The following PVT1 variants were observed in gnomAD, a reference collection of about 807,000 sequenced individuals.
PVT1 encodes CXCR4/PVT1 fusion.
intron 4 of PVT1, among the ~76,000 whole-genome samples, chr8:128,033,778 C>T (rs1421471468): frequency 6.6e-6 from 1 of 152,200 alleles, no homozygotes; most frequent in Admixed American, 6.5e-5. Context: ...TTCCCCTCCT[C>T]CTTTGTTCCC....
At chr8:127,974,507 C>T (rs1285226538) in intron 3 of PVT1, among the ~76,000 whole-genome samples, 2 of 152,144 alleles carry the variant, frequency 1.3e-5, no homozygotes, top group East Asian at 1.9e-4. Context: ...CTCTTTCTCT[C>T]GGGTTCAAGC....
At chr8:127,941,478 G>T (rs1470076375) in intron 3 of PVT1, among the ~76,000 whole-genome samples, 1 of 152,160 alleles carries the variant, frequency 6.6e-6, no homozygotes, top group Admixed American at 6.5e-5. Flanking sequence ...ATGGAGACAC[G>T]TAAAGCGCTT....
At chr8:127,796,566 A>G (rs745729976) in intron 2 of PVT1, among the ~76,000 whole-genome samples, 2 of 152,126 alleles carry the variant, frequency 1.3e-5, no homozygotes, top group Non-Finnish European at 2.9e-5. Context: ...CTGCCTGCCC[A>G]AGATGGACAC....
intron 2 of PVT1, among the ~76,000 whole-genome samples, chr8:127,799,082 T>G (rs1380558539): frequency 6.6e-6 from 1 of 152,092 alleles, no homozygotes; most frequent in Non-Finnish European, 1.5e-5. Context: ...CCGAACTATC[T>G]GTTTTTTTTT....
intron 3 of PVT1, among the ~76,000 whole-genome samples, chr8:127,966,846 T>G (rs1449038649): frequency 6.6e-6 from 1 of 152,006 alleles, no homozygotes; most frequent in African/African-American, 2.4e-5. Flanking sequence ...CTTTTAGGGG[T>G]ATGGTGGGGA....
intron 3 of PVT1, among the ~76,000 whole-genome samples, chr8:127,986,260 C>A (rs1816969109): frequency 6.6e-6 from 1 of 152,198 alleles, no homozygotes; most frequent in African/African-American, 2.4e-5. Flanking sequence ...CAGAGCACAC[C>A]TCTGCCCCGA....
At chr8:127,906,848 G>A (rs1815828563) in intron 3 of PVT1, among the ~76,000 whole-genome samples, 2 of 152,074 alleles carry the variant, frequency 1.3e-5, no homozygotes, top group African/African-American at 4.8e-5. Context: ...AGATGTAAAT[G>A]TCATATCACC....
intron 2 of PVT1, among the ~76,000 whole-genome samples, chr8:127,879,255 G>A (rs534099796): frequency 2.0e-5 from 3 of 152,362 alleles, no homozygotes; most frequent in African/African-American, 7.2e-5. Context: ...AGGGCTGGGC[G>A]TGGTGGCTCC....
chr8:128,061,870 G>A (rs1286477668), intron 4 of PVT1, among the ~76,000 whole-genome samples: 1 of 152,220 alleles, frequency 6.6e-6, no homozygotes, highest in Non-Finnish European at 1.5e-5. Flanking sequence ...GCATTGCACG[G>A]CATGTGACTT....
At chr8:127,914,892 C>T (rs551184562) in intron 3 of PVT1, among the ~76,000 whole-genome samples, 13 of 146,358 alleles carry the variant, frequency 8.9e-5, no homozygotes, top group South Asian at 2.2e-4. Context: ...GTGGTGCAAT[C>T]TCAGCTCACT....
chr8:127,887,632 T>C (rs1275477301), intron 2 of PVT1, among the ~76,000 whole-genome samples: 1 of 152,164 alleles, frequency 6.6e-6, no homozygotes, highest in Non-Finnish European at 1.5e-5. Context: ...TTCAAGTGAT[T>C]CTCGTTCCTC....
chr8:127,983,130 C>T (rs1243780844), intron 3 of PVT1, among the ~76,000 whole-genome samples: 1 of 152,144 alleles, frequency 6.6e-6, no homozygotes, highest in East Asian at 1.9e-4. Flanking sequence ...CTCCCTCTGG[C>T]CTCCTGTTGA....
intron 2 of PVT1, among the ~76,000 whole-genome samples, chr8:127,818,592 C>CA (rs1814693378): frequency 6.6e-6 from 1 of 152,144 alleles, no homozygotes; most frequent in Admixed American, 6.5e-5. Flanking sequence ...CCAGAAGCCA[C>CA]AAAAAATTGC....
At chr8:128,029,256 G>T (rs1325561485) in intron 4 of PVT1, among the ~76,000 whole-genome samples, 2 of 151,310 alleles carry the variant, frequency 1.3e-5, no homozygotes, top group East Asian at 3.9e-4. Flanking sequence ...CCAAGTAGCT[G>T]GGACCACAGG....
At chr8:127,822,157 C>T (rs4733789) in intron 2 of PVT1, among the ~76,000 whole-genome samples, 84,938 of 152,064 alleles carry the variant, frequency 0.56, 24,168 homozygotes, top group Admixed American at 0.68. Context: ...GTGTCTGGCC[C>T]GTTTTAAGAG....
chr8:128,099,490 T>G (rs1041030705), intron 6 of PVT1: 1 of 152,308 alleles, frequency 6.6e-6, no homozygotes, highest in African/African-American at 2.4e-5. Context: ...ACGCCTTCCC[T>G]CCTTCTGGAA....
chr8:128,005,260 G>C (rs1446629745), intron 4 of PVT1, among the ~76,000 whole-genome samples: 1 of 152,054 alleles, frequency 6.6e-6, no homozygotes, highest in East Asian at 1.9e-4. Context: ...TTTGTTATTT[G>C]TTTTTGAAGC....
At chr8:127,870,403 C>A (rs999522052) in intron 2 of PVT1, among the ~76,000 whole-genome samples, 1 of 152,208 alleles carries the variant, frequency 6.6e-6, no homozygotes, top group Non-Finnish European at 1.5e-5. Context: ...TCTTGGACAT[C>A]TAGTCCCCAG....
At chr8:128,100,172 T>TCCCC (rs1563686978) in intron 6 of PVT1, among the ~76,000 whole-genome samples, 1 of 115,946 alleles carries the variant, frequency 8.6e-6, no homozygotes, top group African/African-American at 3.2e-5. Flanking sequence ...CTTTCCTCCC[T>TCCCC]CCCTTCCTTC....
Sources: allele counts gnomAD v4.1 joint callset (sites outside exome capture counted in the v4.1 genomes callset), GRCh38; gene constraint gnomAD v4.1.1; transcripts MANE v1.5; gene names NCBI Gene and HGNC (gene_info 2026-07-23, HGNC 2026-07-21).